VPS13C: variants seen among roughly 807,000 people sequenced by gnomAD.
VPS13C encodes vacuolar protein sorting 13 homolog C, also known as intermembrane lipid transfer protein VPS13C.
VPS13C carries 358 observed loss-of-function variants against 456.8 expected under a neutral mutation model. That is an observed-to-expected ratio of 0.78 (90% CI 0.72 to 0.86). The LOEUF (loss-of-function observed/expected upper bound fraction) is 0.86. Ranked by LOEUF, VPS13C falls within the 40% of genes least tolerant of loss-of-function variation. The pLI, the probability that VPS13C is intolerant of heterozygous loss-of-function variation, is 0.00. For missense variants in VPS13C, 4,818 were observed against 4,385.4 expected, an observed-to-expected ratio of 1.10 and a Z score of -2.79; for synonymous variants, 1,578 against 1,486.7, an observed-to-expected ratio of 1.06 and a Z score of -1.41.
At chr15:61,866,490 A>G in intron 81 of VPS13C, 1 of 979,438 alleles carries the variant, frequency 1.0e-6, no homozygotes, top group Non-Finnish European at 1.2e-6. Flanking sequence ...TAAAACAGCA[A>G]TATAACCAGT....
rs779028557 is a variant in VPS13C at position 61,962,842 on chromosome 15, G to A, written c.3342C>T (p.Ser1114=). ...IAEIKIQGLD[S]SLSLQSRKQS... The stretch of plus-strand genomic sequence containing the variant: ...GCTTTCTTGACTGGAGAGAAAGGGA[G>A]GAATCCAGTCCTGAAAAAAAGAGTG... The change falls in exon 33 of 85, where the codon TCC becomes TCT. Residue 1114 remains serine (S), a synonymous_variant. Transcript: ENST00000644861. The A allele has an allele frequency of 1.3e-6, 2 of 1,598,762 alleles. No individual in the cohort carries two copies. The highest frequency in any genetic ancestry group is 2.2e-5 in the East Asian group (1 of 44,510).
chr15:61,863,879 AG>A (rs34243731), intron 81 of VPS13C: 1 of 165,506 alleles, frequency 6.0e-6, no homozygotes, highest in Admixed American at 6.4e-5. Flanking sequence ...TTAACATTAC[AG>A]GGGATTTGAA....
chr15:61,963,878 A>C lies in VPS13C; in HGVS notation c.3288T>G (p.Ile1096Met), dbSNP rs1220411504. 1 of 1,612,550 alleles carries C rather than the reference A, an allele frequency of 6.2e-7. No individual in the cohort carries two copies. Among genetic ancestry groups the C allele is most frequent in the Non-Finnish European group, 8.5e-7 (1 of 1,179,030 alleles). Residue 1096 changes from isoleucine to methionine, a missense_variant, in exon 32 of 85, where the codon ATT becomes ATG. Ile to Met is a conservative substitution (Grantham distance 10, BLOSUM62 1). Transcript: ENST00000644861. ...LFAKLNAFCV[I>M]VCNEKNNIAE... ...CGATATTGTTCTTTTCGTTGCAAAC[A>C]ATGACACAGAAAGCATTCAACTTGG...
rs751872581 is a variant in VPS13C, at chr15:61,991,771, T to G, written c.1385A>C (p.Lys462Thr). 6.2e-7 allele frequency: 1 copy of G among 1,613,100 alleles called. No homozygotes were observed. The highest frequency in any genetic ancestry group is 8.5e-7 in the Non-Finnish European group (1 of 1,179,502). The change falls in exon 17 of 85, where the codon AAG becomes ACG. Residue 462 changes from lysine to threonine, a missense_variant. Transcript: ENST00000644861. Reference sequence around the variant, plus strand: ...ACGTTTCTCGCCTGTGTCAGCAGACTTTTTCCTTAATTTTTGCCCAGACCG... The same window carrying G: ...ACGTTTCTCGCCTGTGTCAGCAGACGTTTTCCTTAATTTTTGCCCAGACCG... Reference protein sequence around the residue: ...VIRSGQKLRKKSADTGEKRGG... With the variant: ...VIRSGQKLRKTSADTGEKRGG...
chr15:61,900,779 CAA>C (rs1224138149), intron 66 of VPS13C, among the ~76,000 whole-genome samples: 2 of 151,372 alleles, frequency 1.3e-5, no homozygotes, highest in African/African-American at 4.9e-5. Flanking sequence ...CATATGGAAC[CAA>C]AAAAGAGCCC....
At chr15:61,864,301 AT>A in intron 81 of VPS13C, 1 of 839,878 alleles carries the variant, frequency 1.2e-6, no homozygotes, top group Non-Finnish European at 1.4e-6. Context: ...TAATTCAAGT[AT>A]AAGTAGTAGC....
intron 81 of VPS13C, chr15:61,865,157 A>C: frequency 8.1e-6 from 8 of 984,960 alleles, no homozygotes; most frequent in Non-Finnish European, 9.6e-6. Context: ...CCTTTCCAAA[A>C]ATGCAACTCG....
intron 66 of VPS13C, among the ~76,000 whole-genome samples, chr15:61,893,349 G>A (rs1034540588): frequency 6.6e-5 from 10 of 152,108 alleles, no homozygotes; most frequent in African/African-American, 2.4e-4. Flanking sequence ...TGAAGGGGAA[G>A]AAAAACCCTG....
intron 3 of VPS13C, among the ~76,000 whole-genome samples, chr15:62,040,833 A>G (rs2048217567): frequency 6.6e-6 from 1 of 152,214 alleles, no homozygotes. Context: ...ATATTTACTT[A>G]TAGATGGTCT....
intron 81 of VPS13C, chr15:61,865,438 A>T: frequency 2.0e-6 from 2 of 984,754 alleles, no homozygotes; most frequent in Non-Finnish European, 2.4e-6. Context: ...TATAACTAAA[A>T]CTAAAAAGCA....
chr15:61,881,123 TG>T (rs1396034180), intron 71 of VPS13C, among the ~76,000 whole-genome samples, 169 bp from the exon 72 acceptor site: 10 of 152,118 alleles, frequency 6.6e-5, no homozygotes. Flanking sequence ...TTCACTGGAG[TG>T]AAAGCTTCAC....
intron 79 of VPS13C, among the ~76,000 whole-genome samples, chr15:61,871,125 T>C (rs899277441): frequency 9.2e-5 from 14 of 152,192 alleles, no homozygotes; most frequent in African/African-American, 3.1e-4. Flanking sequence ...GTTCAATTTA[T>C]GTATTTGATG....
Position 61,961,732 on chromosome 15 carries a change from A to G in VPS13C, c.3765T>C (p.Ser1255=). 1 of 1,614,056 alleles carries G rather than the reference A, an allele frequency of 6.2e-7. No homozygotes were observed. The highest frequency in any genetic ancestry group is 1.1e-5 in the South Asian group (1 of 91,076). Residue 1255 remains serine (S), a synonymous_variant, in exon 35 of 85, where the codon TCT becomes TCC. Coordinates refer to ENST00000644861, the MANE Select transcript of VPS13C (RefSeq NM_020821.3). Reference sequence around the variant, plus strand: ...CCACTACTGCATTGGTGGAAATAGAAGACTGTGGGATGACTATAACCGGTG... The same window carrying G: ...CCACTACTGCATTGGTGGAAATAGAGGACTGTGGGATGACTATAACCGGTG... ...LKAPVIVIPQ[S]SISTNAVVVD... is the part of the protein sequence containing the mutation.
intron 16 of VPS13C, among the ~76,000 whole-genome samples, chr15:61,992,729 G>A (rs1257439158): frequency 1.3e-5 from 2 of 152,036 alleles, no homozygotes; most frequent in Non-Finnish European, 2.9e-5. Context: ...AGCTACTGTG[G>A]ATACCACAGC....
At chr15:61,941,429 T>C (rs1213776921) in intron 46 of VPS13C, among the ~76,000 whole-genome samples, 1 of 152,128 alleles carries the variant, frequency 6.6e-6, no homozygotes, top group African/African-American at 2.4e-5. Context: ...TTACGAAGTT[T>C]TTTCCCACCA....
At chr15:62,036,550 G>C (rs908325351) in intron 3 of VPS13C, among the ~76,000 whole-genome samples, 2 of 151,930 alleles carry the variant, frequency 1.3e-5, no homozygotes, top group African/African-American at 4.8e-5. Context: ...ACAACGCTCT[G>C]GGTCATTTCT....
At chr15:61,948,614 C>T (rs983215376) in intron 42 of VPS13C, among the ~76,000 whole-genome samples, 5 of 151,590 alleles carry the variant, frequency 3.3e-5, no homozygotes, top group South Asian at 2.1e-4. Flanking sequence ...ACCTGGGAAG[C>T]GGAGGTTGCA....
At position 62,004,141 on chromosome 15, in the gene VPS13C, A is replaced by G. The variant is rs879404707; in HGVS notation, c.1290+3167T>C. ...TCTGGTAGAATTCGGCTGTGAATCC[A>G]TCTGGTCCTGGACTCTTTTTGGTTG... On this transcript the variant is annotated intron_variant, in intron 15 of 84. Coordinates refer to ENST00000644861, the MANE Select transcript of VPS13C (RefSeq NM_020821.3). Among the ~76,000 whole-genome samples the G allele has an allele frequency of 2.7e-3, 410 of 151,586 alleles. 1 individual carries two copies. The highest frequency in any genetic ancestry group is 3.8e-3 in the South Asian group (18 of 4,796).
At chr15:61,970,116 C>T (rs993216654) in intron 27 of VPS13C, among the ~76,000 whole-genome samples, 2 of 152,180 alleles carry the variant, frequency 1.3e-5, no homozygotes, top group Non-Finnish European at 1.5e-5. Flanking sequence ...AGTTCAACTA[C>T]TCAGACTACC....
Sources: allele counts gnomAD v4.1 joint callset (sites outside exome capture counted in the v4.1 genomes callset), GRCh38; gene constraint gnomAD v4.1.1; transcripts MANE v1.5; gene names NCBI Gene and HGNC (gene_info 2026-07-23, HGNC 2026-07-21).